Variants in SRFBP1 observed in about 807,000 individuals in gnomAD.
The protein encoded by SRFBP1 is serum response factor-binding protein 1.
Under a neutral mutation model 45.5 loss-of-function variants are expected in SRFBP1, and 47 were observed. The ratio of observed to expected loss-of-function variants is 1.03; its 90% confidence interval spans 0.82 to 1.32. SRFBP1 has a LOEUF of 1.32. SRFBP1 is among the 40% of genes most tolerant of loss of function. The probability of loss-of-function intolerance (pLI) is 0.00; values close to 1 mark genes in which losing one functional copy is unlikely to be tolerated. For missense variants in SRFBP1, 621 were observed against 484.6 expected (o/e 1.28, Z -2.64); for synonymous variants, 203 against 166.3 (o/e 1.22, Z -1.70).
intron 4 of SRFBP1, among the ~76,000 whole-genome samples, chr5:122,003,101 G>A (rs1752905074): frequency 6.6e-6 from 1 of 152,108 alleles, no homozygotes; most frequent in Admixed American, 6.5e-5. Context: ...CCAGTGCTTT[G>A]GGAGGCCAAG....
At chr5:122,011,251 A>G (rs1006186123) in intron 4 of SRFBP1, among the ~76,000 whole-genome samples, 19 of 152,152 alleles carry the variant, frequency 1.2e-4, no homozygotes, top group African/African-American at 4.6e-4. Flanking sequence ...TCTGTTTACA[A>G]TAAATACCCA....
intron 4 of SRFBP1, among the ~76,000 whole-genome samples, chr5:122,011,451 T>G (rs1418242542): frequency 2.6e-5 from 4 of 152,182 alleles, no homozygotes; most frequent in Non-Finnish European, 4.4e-5. Flanking sequence ...TTGGGAAGAC[T>G]TTTTCATGCA....
At chr5:122,067,561 C>G (rs565337036) in intron 2 of SRFBP1, among the ~76,000 whole-genome samples, 6 of 152,074 alleles carry the variant, frequency 3.9e-5, no homozygotes, top group Non-Finnish European at 8.8e-5. Flanking sequence ...ACCAGACTGA[C>G]CTGATGGCCT....
chr5:122,012,583 T>C (rs1696141247), intron 4 of SRFBP1, among the ~76,000 whole-genome samples: 1 of 152,256 alleles, frequency 6.6e-6, no homozygotes, highest in South Asian at 2.1e-4. Context: ...TGCAAATTAC[T>C]AACATGTCAT....
At chr5:121,966,003 A>G (rs543781012) in intron 1 of SRFBP1, among the ~76,000 whole-genome samples, 7 of 152,198 alleles carry the variant, frequency 4.6e-5, no homozygotes, top group African/African-American at 1.7e-4. Flanking sequence ...TTATTGGTGT[A>G]TGGGAATGCT....
chr5:122,007,235 G>A (rs953701267), intron 4 of SRFBP1, among the ~76,000 whole-genome samples: 1 of 152,004 alleles, frequency 6.6e-6, no homozygotes, highest in African/African-American at 2.4e-5. Flanking sequence ...TAAAGGCTGG[G>A]CTGGAGACAC....
chr5:122,031,869 CAAA>C (rs1283315524), downstream of SRFBP1, among the ~76,000 whole-genome samples: 2 of 152,078 alleles, frequency 1.3e-5, no homozygotes, highest in South Asian at 4.1e-4. Flanking sequence ...ATCATGCTAA[CAAA>C]GAAGCTAAAC....
intron 2 of SRFBP1, among the ~76,000 whole-genome samples, chr5:122,050,601 A>G (rs1335158624): frequency 6.6e-6 from 1 of 151,880 alleles, no homozygotes; most frequent in Non-Finnish European, 1.5e-5. Context: ...TCAGTGGTAA[A>G]GTCCTCTTTG....
At chr5:122,001,825 T>G (rs1171591333) in intron 4 of SRFBP1, among the ~76,000 whole-genome samples, 1 of 151,810 alleles carries the variant, frequency 6.6e-6, no homozygotes, top group Non-Finnish European at 1.5e-5. Flanking sequence ...CCTCCCAAAG[T>G]GCTGGGATTA....
At chr5:122,022,505 G>A in intron 7 of SRFBP1, 98 bp downstream of exon 7, 1 of 966,178 alleles carries the variant, frequency 1.0e-6, no homozygotes, top group Non-Finnish European at 1.5e-6. Flanking sequence ...TAGCCTGAAT[G>A]AATTATGTAC....
At position 121,982,081 on chromosome 5, in the gene SRFBP1, T is replaced by G. The variant is rs186926706; in HGVS notation, c.198+6694T>G. 4.6e-3 allele frequency among the ~76,000 whole-genome samples: 695 copies of G among 152,056 alleles called. 5 individuals are homozygous for G. The highest frequency in any genetic ancestry group is 0.016 in the African/African-American group (658 of 41,518). The stretch of plus-strand genomic sequence containing the variant: ...AAGAATCTGTAATCAGAAGCTTTTC[T>G]TTTTGCTTATTAAGTATCAGAAACA... On this transcript the variant is annotated intron_variant, in intron 3 of 7. Coordinates refer to ENST00000339397, the MANE Select transcript of SRFBP1 (RefSeq NM_152546.3).
At chr5:122,077,869 C>G (rs759310341), downstream of SRFBP1, 76 of 1,535,174 alleles carry the variant, frequency 5.0e-5, 1 homozygote, top group South Asian at 6.1e-4. This position sits in a 1 kb window ranked among gnomAD's most constrained non-coding sequence, Gnocchi z 4.9. Context: ...GCCAGGCGCC[C>G]GGAGCCGCCG....
rs144686796 is a variant in SRFBP1, at chr5:122,003,918, G to C, written c.270+9248G>C. Reference sequence around the variant, plus strand: ...TTTTAATTGGGTTGTTTACTTGCTAGTGAGTTTCCTTTTGTTTGTTTCTAT... The same window carrying C: ...TTTTAATTGGGTTGTTTACTTGCTACTGAGTTTCCTTTTGTTTGTTTCTAT... On this transcript the variant is annotated intron_variant, in intron 4 of 7. Transcript: ENST00000339397. Among the ~76,000 whole-genome samples the C allele has an allele frequency of 6.4e-4, 97 of 152,174 alleles. No homozygotes were observed. In the East Asian group the frequency reaches 0.015, roughly 24 times the overall value.
intron 2 of SRFBP1, among the ~76,000 whole-genome samples, chr5:122,049,743 A>C (rs1336892751): frequency 6.6e-6 from 1 of 152,190 alleles, no homozygotes; most frequent in African/African-American, 2.4e-5. Flanking sequence ...CGCCAACTAC[A>C]TGGAAACTGA....
chr5:121,991,642 TTCA>T (rs1475715983), intron 3 of SRFBP1, among the ~76,000 whole-genome samples: 1 of 152,206 alleles, frequency 6.6e-6, no homozygotes, highest in Admixed American at 6.5e-5. Context: ...TAAGAATAAC[TTCA>T]TAATATATCA....
At chr5:122,032,250 C>T (rs1418437248), downstream of SRFBP1, among the ~76,000 whole-genome samples, 1 of 148,416 alleles carries the variant, frequency 6.7e-6, no homozygotes, top group Non-Finnish European at 1.5e-5. Context: ...AATGATTTTT[C>T]CTCCATCCTT....
At chr5:122,070,082 A>C in intron 2 of SRFBP1, 5 of 1,612,884 alleles carry the variant, frequency 3.1e-6, no homozygotes, top group Non-Finnish European at 8.5e-7. Context: ...AGGCATACGC[A>C]TGATGTCCTG....
chr5:122,078,129 G>A (rs964524218), downstream of SRFBP1: 7 of 702,262 alleles, frequency 1.0e-5, no homozygotes, highest in Admixed American at 2.5e-4. Flanking sequence ...ACCAAGCAAT[G>A]CCAAGGGTGG....
At chr5:122,014,159 T>G in intron 4 of SRFBP1, among the ~76,000 whole-genome samples, 1 of 152,088 alleles carries the variant, frequency 6.6e-6, no homozygotes, top group East Asian at 1.9e-4. Flanking sequence ...TCTAAAATTA[T>G]TGTCAAAATA....
Sources: allele counts gnomAD v4.1 joint callset (sites outside exome capture counted in the v4.1 genomes callset), GRCh38; gene constraint gnomAD v4.1.1; non-coding constraint Gnocchi (gnomAD v3.1); transcripts MANE v1.5; gene names NCBI Gene and HGNC (gene_info 2026-07-23, HGNC 2026-07-21).